The following VPS8 variants were observed in gnomAD, a reference collection of about 807,000 sequenced individuals.
VPS8 encodes VPS8 subunit of CORVET complex.
A neutral mutation model predicts 216.4 loss-of-function variants in VPS8; 129 were observed. That is an observed-to-expected ratio of 0.60 (90% CI 0.52 to 0.69). The LOEUF is 0.69. Ranked by LOEUF, VPS8 falls within the 30% of genes least tolerant of loss-of-function variation. The pLI, the probability that VPS8 is intolerant of heterozygous loss-of-function variation, is 0.00. For synonymous variants in VPS8, 571 were observed against 565.4 expected (o/e 1.01, Z -0.14); for missense variants, 1,531 against 1,683.5 (o/e 0.91, Z 1.59).
At chr3:185,000,241 G>C (rs1045410449) in intron 45 of VPS8, among the ~76,000 whole-genome samples, 9 of 152,326 alleles carry the variant, frequency 5.9e-5, no homozygotes, top group Middle Eastern at 6.8e-3. Flanking sequence ...TGACTTTTAA[G>C]TAGGGCTGAT....
chr3:184,980,590 C>G (rs761830637), intron 40 of VPS8, among the ~76,000 whole-genome samples: 7 of 151,642 alleles, frequency 4.6e-5, no homozygotes, highest in Admixed American at 6.6e-5. Context: ...GAGATTCTTT[C>G]TTCAGCTTGA....
chr3:184,891,172 G>C (rs539715405), intron 22 of VPS8, among the ~76,000 whole-genome samples: 11 of 152,198 alleles, frequency 7.2e-5, no homozygotes, highest in Non-Finnish European at 1.3e-4. Flanking sequence ...ACGACTTTGA[G>C]TTTATATCAC....
intron 5 of VPS8, among the ~76,000 whole-genome samples, chr3:184,835,303 G>T (rs564868512): frequency 1.1e-4 from 16 of 152,128 alleles, no homozygotes; most frequent in Non-Finnish European, 1.3e-4. Context: ...AGGTAGCAAG[G>T]CATTTATTCA....
At chr3:184,880,351 A>C (rs1207680647) in intron 21 of VPS8, among the ~76,000 whole-genome samples, 1 of 152,010 alleles carries the variant, frequency 6.6e-6, no homozygotes, top group Non-Finnish European at 1.5e-5. Flanking sequence ...GATACCCAGT[A>C]GTCTGTTCCT....
intron 40 of VPS8, among the ~76,000 whole-genome samples, chr3:184,980,435 T>C (rs1750012846): frequency 6.6e-6 from 1 of 152,212 alleles, no homozygotes; most frequent in Non-Finnish European, 1.5e-5. Flanking sequence ...CTTTCAGGAA[T>C]GCCAAAGGTT....
At chr3:184,849,276 A>G in intron 9 of VPS8, 81 bp downstream of exon 9, 1 of 1,495,000 alleles carries the variant, frequency 6.7e-7, no homozygotes, top group Non-Finnish European at 9.1e-7. Context: ...TAGATCAAAG[A>G]CCAAAATACG....
At chr3:184,870,514 G>A (rs974096839) in intron 20 of VPS8, among the ~76,000 whole-genome samples, 4 of 152,152 alleles carry the variant, frequency 2.6e-5, no homozygotes, top group African/African-American at 9.7e-5. Context: ...TATTTCTTAA[G>A]AAAGATTAGC....
At position 184,926,580 on chromosome 3, in the gene VPS8, T is replaced by C; in HGVS notation, c.2575-14T>C. On this transcript the variant is annotated splice_polypyrimidine_tract_variant and intron_variant, in intron 30 of 47. Transcript: ENST00000625842. ...ATGCTGATATCAAATAAAAAATACT[T>C]TTTCTTCGGCCAGGTCCTTGAATTC... 6.3e-7 allele frequency: 1 copy of C among 1,580,052 alleles called. No individual in the cohort carries two copies. Among genetic ancestry groups the C allele is most frequent in the Non-Finnish European group, 8.6e-7 (1 of 1,162,656 alleles).
intron 35 of VPS8, among the ~76,000 whole-genome samples, chr3:184,939,442 A>G (rs1384407403): frequency 6.6e-6 from 1 of 152,120 alleles, no homozygotes; most frequent in Non-Finnish European, 1.5e-5. Context: ...CAATTTTTGC[A>G]TAGGTTTCCC....
intron 46 of VPS8, among the ~76,000 whole-genome samples, chr3:185,046,773 C>G (rs1210237589): frequency 6.6e-6 from 1 of 152,226 alleles, no homozygotes; most frequent in African/African-American, 2.4e-5. Context: ...AGCTAAATTC[C>G]TTGCCCAGAG....
At chr3:184,888,123 G>A (rs1280557414) in intron 22 of VPS8, among the ~76,000 whole-genome samples, 1 of 152,006 alleles carries the variant, frequency 6.6e-6, no homozygotes, top group African/African-American at 2.4e-5. Flanking sequence ...AGGTAGCTGG[G>A]ACTACAGGCG....
chr3:184,824,608 C>T lies in VPS8; in HGVS notation c.-25C>T. 1 of 1,606,068 alleles carries T rather than the reference C, an allele frequency of 6.2e-7. No homozygotes were observed. Among genetic ancestry groups the T allele is most frequent in the Non-Finnish European group, 8.5e-7 (1 of 1,175,424 alleles). Reference sequence around the variant, plus strand: ...AACAAAAAACACTTGCTTTGATGGACTGAATACTGTTATTAGAAGTAAATA... The same window carrying T: ...AACAAAAAACACTTGCTTTGATGGATTGAATACTGTTATTAGAAGTAAATA... On this transcript the variant is annotated 5_prime_UTR_variant, in exon 2 of 48. Coordinates refer to ENST00000625842, the MANE Select transcript of VPS8 (RefSeq NM_001009921.3).
intron 40 of VPS8, among the ~76,000 whole-genome samples, chr3:184,971,991 G>A (rs562901260): frequency 5.3e-5 from 8 of 151,842 alleles, no homozygotes; most frequent in African/African-American, 1.2e-4. Flanking sequence ...TAGGAGAATC[G>A]CTTGAACCCA....
intron 29 of VPS8, among the ~76,000 whole-genome samples, chr3:184,921,926 T>C (rs1222052255): frequency 3.3e-5 from 5 of 152,188 alleles, no homozygotes; most frequent in Admixed American, 2.6e-4. Flanking sequence ...AGTAATAGTT[T>C]CTGCCATACC....
chr3:184,836,950 T>C (rs1721207120), intron 5 of VPS8, among the ~76,000 whole-genome samples: 1 of 152,250 alleles, frequency 6.6e-6, no homozygotes, highest in Non-Finnish European at 1.5e-5. Flanking sequence ...TAAGGATCTT[T>C]ATTATTTTTA....
At chr3:184,994,406 A>G (rs745512965) in intron 43 of VPS8, among the ~76,000 whole-genome samples, 2 of 151,940 alleles carry the variant, frequency 1.3e-5, no homozygotes, top group Admixed American at 1.3e-4. Flanking sequence ...CAGGACGATC[A>G]ATTGAGCCCA....
intron 29 of VPS8, among the ~76,000 whole-genome samples, 167 bp downstream of exon 29, chr3:184,920,365 T>C (rs1738393408): frequency 6.6e-6 from 1 of 152,162 alleles, no homozygotes; most frequent in Non-Finnish European, 1.5e-5. Flanking sequence ...GTACTAATTA[T>C]TTATTTTAAA....
At chr3:185,036,132 A>T (rs191440570) in intron 46 of VPS8, among the ~76,000 whole-genome samples, 1 of 152,326 alleles carries the variant, frequency 6.6e-6, no homozygotes, top group East Asian at 1.9e-4. Flanking sequence ...TACATGGAAA[A>T]ACAGTCCATG....
At chr3:184,927,597 A>G (rs1213452553) in intron 31 of VPS8, among the ~76,000 whole-genome samples, 1 of 152,190 alleles carries the variant, frequency 6.6e-6, no homozygotes, top group East Asian at 1.9e-4. Context: ...GACGTAACAC[A>G]TAATTTACCA....
Sources: allele counts gnomAD v4.1 joint callset (sites outside exome capture counted in the v4.1 genomes callset), GRCh38; gene constraint gnomAD v4.1.1; transcripts MANE v1.5; gene names NCBI Gene and HGNC (gene_info 2026-07-23, HGNC 2026-07-21).